GPC5: variants seen among roughly 807,000 people sequenced by gnomAD.
GPC5 encodes the protein glypican 5.
A neutral mutation model predicts 53.9 loss-of-function variants in GPC5; 47 were observed. The ratio of observed to expected loss-of-function variants is 0.87; its 90% CI spans 0.69 to 1.11. The LOEUF is 1.11. Ranked by LOEUF, GPC5 falls within the 50% of genes most tolerant of loss-of-function variation. The probability of loss-of-function intolerance (pLI) is 0.00; values close to 1 mark genes in which losing one functional copy is unlikely to be tolerated. For synonymous variants in GPC5, 286 were observed against 263.3 expected (o/e 1.09, Z -0.84); for missense variants, 748 against 713.1 (o/e 1.05, Z -0.56).
intron 7 of GPC5, among the ~76,000 whole-genome samples, chr13:92,277,329 G>T (rs2042883194): frequency 6.6e-6 from 1 of 151,876 alleles, no homozygotes; most frequent in Admixed American, 6.6e-5. Flanking sequence ...GTATGTTACA[G>T]GCCATATTCT....
At chr13:91,441,369 G>A (rs1422720916) in intron 1 of GPC5, among the ~76,000 whole-genome samples, 1 of 152,150 alleles carries the variant, frequency 6.6e-6, no homozygotes, top group African/African-American at 2.4e-5. Flanking sequence ...ATAAATCATA[G>A]AAGAAAGTAG....
intron 7 of GPC5, among the ~76,000 whole-genome samples, chr13:92,542,822 C>T (rs1404391269): frequency 6.6e-6 from 1 of 151,998 alleles, no homozygotes; most frequent in Non-Finnish European, 1.5e-5. Flanking sequence ...GTTTTCCTGG[C>T]ATGTAAGTTT....
At chr13:92,698,692 T>G (rs1887636985) in intron 7 of GPC5, among the ~76,000 whole-genome samples, 2 of 152,140 alleles carry the variant, frequency 1.3e-5, no homozygotes, top group African/African-American at 2.4e-5. Flanking sequence ...GTAATGGGAT[T>G]GCTGGGTCAA....
intron 7 of GPC5, among the ~76,000 whole-genome samples, chr13:92,500,315 G>T (rs1436847515): frequency 6.6e-6 from 1 of 152,160 alleles, no homozygotes; most frequent in Non-Finnish European, 1.5e-5. Flanking sequence ...GCTGTGATGA[G>T]TTGCAACTCC....
chr13:92,857,621 A>C (rs1378844047), intron 7 of GPC5, among the ~76,000 whole-genome samples: 1 of 152,172 alleles, frequency 6.6e-6, no homozygotes, highest in Non-Finnish European at 1.5e-5. Flanking sequence ...CAAATCAAAA[A>C]GCAAAACACA....
intron 7 of GPC5, among the ~76,000 whole-genome samples, chr13:92,504,517 G>A (rs747483500): frequency 8.6e-5 from 13 of 151,970 alleles, no homozygotes; most frequent in Non-Finnish European, 1.3e-4. Flanking sequence ...AAGGACAAAA[G>A]TGCTAAGGTG....
chr13:92,752,930 C>T (rs1874650820), intron 7 of GPC5, among the ~76,000 whole-genome samples: 1 of 152,326 alleles, frequency 6.6e-6, no homozygotes, highest in South Asian at 2.1e-4. Flanking sequence ...CATACCATTG[C>T]CCAGGCTTGC....
intron 2 of GPC5, among the ~76,000 whole-genome samples, chr13:91,657,182 T>G (rs1209294598): frequency 6.6e-6 from 1 of 152,080 alleles, no homozygotes; most frequent in Non-Finnish European, 1.5e-5. Flanking sequence ...AGACTGCAAG[T>G]AGGGAGACTC....
intron 7 of GPC5, among the ~76,000 whole-genome samples, chr13:92,504,273 T>C (rs186583875): frequency 1.3e-5 from 2 of 151,932 alleles, no homozygotes; most frequent in African/African-American, 4.8e-5. Context: ...AAATACCTAG[T>C]TGTAAACCTA....
At chr13:92,434,528 A>C (rs1450729418) in intron 7 of GPC5, among the ~76,000 whole-genome samples, 1 of 152,206 alleles carries the variant, frequency 6.6e-6, no homozygotes, top group East Asian at 1.9e-4. Context: ...GCTTGTATTC[A>C]AGATGACCTT....
intron 5 of GPC5, among the ~76,000 whole-genome samples, chr13:91,767,526 C>G (rs2037547103): frequency 6.6e-6 from 1 of 152,146 alleles, no homozygotes; most frequent in Non-Finnish European, 1.5e-5. Context: ...TATCACACAA[C>G]AGATTGTTTT....
chr13:92,700,891 G>T (rs1396453472), intron 7 of GPC5, among the ~76,000 whole-genome samples: 1 of 151,944 alleles, frequency 6.6e-6, no homozygotes, highest in Admixed American at 6.6e-5. Context: ...CTCTGTCTTT[G>T]GCATCTAGTC....
In GPC5 at chr13:92,566,904, C is replaced by CT. The variant is rs1198526179; in HGVS notation, c.1562-299372dup. On this transcript the variant is annotated intron_variant, in intron 7 of 7. Coordinates refer to ENST00000377067, the MANE Select transcript of GPC5 (RefSeq NM_004466.6). ...TTTAATTCTGAATTTAGGTTTTTTG[C>CT]TTTTTTGCTATTATTGACCTAGAGG... Among the ~76,000 whole-genome samples, 7 of 152,018 alleles carry CT rather than the reference C, an allele frequency of 4.6e-5. No homozygotes were observed. The South Asian group carries it at 8.3e-4, about 18-fold the overall frequency.
chr13:91,520,245 G>T (rs1428863200), intron 2 of GPC5, among the ~76,000 whole-genome samples: 1 of 152,164 alleles, frequency 6.6e-6, no homozygotes, highest in Non-Finnish European at 1.5e-5. Context: ...AGGTTTAAAT[G>T]ATTATTAGAT....
At chr13:92,592,335 GTGTA>G (rs1369838167) in intron 7 of GPC5, among the ~76,000 whole-genome samples, 1 of 151,922 alleles carries the variant, frequency 6.6e-6, no homozygotes, top group Non-Finnish European at 1.5e-5. Flanking sequence ...CACCTGTATA[GTGTA>G]TGTGTCTAAG....
At chr13:92,588,135 C>T (rs1883596765) in intron 7 of GPC5, among the ~76,000 whole-genome samples, 2 of 152,078 alleles carry the variant, frequency 1.3e-5, no homozygotes, top group African/African-American at 2.4e-5. Context: ...TGCATGTGTT[C>T]TCATTGTTCA....
chr13:92,857,109 C>T (rs551947342), intron 7 of GPC5, among the ~76,000 whole-genome samples: 12 of 151,862 alleles, frequency 7.9e-5, no homozygotes, highest in African/African-American at 2.4e-4. Context: ...AGCATGGTAC[C>T]GGTACAAAAA....
At chr13:92,695,701 GTT>G (rs200591293) in intron 7 of GPC5, among the ~76,000 whole-genome samples, 2 of 141,952 alleles carry the variant, frequency 1.4e-5, no homozygotes, top group Admixed American at 1.4e-4. Context: ...AATTTTATGA[GTT>G]TTTTTTTTTT....
intron 7 of GPC5, among the ~76,000 whole-genome samples, chr13:92,470,347 G>A (rs191546015): frequency 2.6e-5 from 4 of 152,052 alleles, no homozygotes; most frequent in Non-Finnish European, 5.9e-5. Context: ...AATTGAACAC[G>A]ATATTGACTT....
Sources: allele counts gnomAD v4.1 joint callset (sites outside exome capture counted in the v4.1 genomes callset), GRCh38; gene constraint gnomAD v4.1.1; transcripts MANE v1.5; gene names NCBI Gene and HGNC (gene_info 2026-07-23, HGNC 2026-07-21).